Variants in FGF12 observed in about 807,000 individuals in gnomAD.
FGF12 encodes the protein fibroblast growth factor 12B.
In FGF12, 14 loss-of-function variants were observed where a neutral mutation model predicts 23.6. The observed-to-expected ratio is 0.59, with a 90% CI of 0.39 to 0.93. FGF12 has a LOEUF of 0.93. Ranked by LOEUF, FGF12 falls within the 40% of genes least tolerant of loss-of-function variation. FGF12 has a pLI of 0.00. For synonymous variants in FGF12, 62 were observed against 77.3 expected, an observed-to-expected ratio of 0.80 and a Z score of 1.04; for missense variants, 175 against 217.8, an observed-to-expected ratio of 0.80 and a Z score of 1.24.
chr3:192,586,197 TAAC>T (rs1713368229), intron 2 of FGF12, among the ~76,000 whole-genome samples: 1 of 152,118 alleles, frequency 6.6e-6, no homozygotes, highest in Non-Finnish European at 1.5e-5. Flanking sequence ...CAAGCATGGG[TAAC>T]AAGCAGGTAA....
chr3:192,423,951 G>C (rs1328320354), intron 2 of FGF12, among the ~76,000 whole-genome samples: 1 of 152,088 alleles, frequency 6.6e-6, no homozygotes, highest in African/African-American at 2.4e-5. Flanking sequence ...GGCTGCTGAG[G>C]AAGTGGTCCA....
chr3:192,647,850 G>T (rs967864676), intron 2 of FGF12, among the ~76,000 whole-genome samples: 3 of 151,446 alleles, frequency 2.0e-5, no homozygotes, highest in Non-Finnish European at 4.4e-5. Context: ...GTGAATAAAT[G>T]AATAAATAAC....
intron 2 of FGF12, among the ~76,000 whole-genome samples, chr3:192,578,475 C>T (rs1577063561): frequency 6.6e-6 from 1 of 152,274 alleles, no homozygotes; most frequent in East Asian, 1.9e-4. Flanking sequence ...ACAATAACAA[C>T]AATGCATATA....
intron 4 of FGF12, among the ~76,000 whole-genome samples, chr3:192,288,414 T>C (rs918851109): frequency 9.9e-5 from 15 of 152,136 alleles, no homozygotes; most frequent in African/African-American, 3.6e-4. Flanking sequence ...GAAGGATTCA[T>C]GAATCTTCCT....
rs549555260 is a variant in FGF12, at chr3:192,336,730, T to A, written c.125-1266A>T. ...ACATAAATTAACCCAAGGGCTACCA[T>A]TATTTAGGGATGCCTCTATTTTTCT... is the stretch of plus-strand genomic sequence containing the variant. On this transcript the variant is annotated intron_variant, in intron 3 of 5. Coordinates refer to ENST00000445105, the MANE Select transcript of FGF12 (RefSeq NM_004113.6). This position sits in a 1 kb window ranked among gnomAD's most constrained non-coding sequence, Gnocchi z 4.3. Among the ~76,000 whole-genome samples, 85 of 152,238 alleles carry A rather than the reference T, an allele frequency of 5.6e-4. No individual in the cohort carries two copies. Among genetic ancestry groups the A allele is most frequent in the African/African-American group, 2.0e-3 (84 of 41,568 alleles).
chr3:192,469,699 G>A lies in FGF12; in HGVS notation c.14-109161C>T, dbSNP rs9852526. ...CTATAAAGGAATGTGTGTAATAACCGTCCCCACAATGTTTGTAGTTGTGGA... is the reference window on the plus strand; with the variant it reads ...CTATAAAGGAATGTGTGTAATAACCATCCCCACAATGTTTGTAGTTGTGGA... On this transcript the variant is annotated intron_variant, in intron 2 of 5. Transcript: ENST00000445105. Among the ~76,000 whole-genome samples the A allele has an allele frequency of 9.7e-3, 1,482 of 152,254 alleles. 21 individuals carry two copies. Among genetic ancestry groups the A allele is most frequent in the African/African-American group, 0.033 (1,368 of 41,546 alleles).
chr3:192,568,844 G>A (rs368224803), intron 2 of FGF12, among the ~76,000 whole-genome samples: 4 of 152,084 alleles, frequency 2.6e-5, no homozygotes, highest in Admixed American at 2.0e-4. Context: ...TTGCATACAT[G>A]AGCATAGAGC....
chr3:192,504,201 G>A (rs1243726601), intron 2 of FGF12, among the ~76,000 whole-genome samples: 2 of 152,088 alleles, frequency 1.3e-5, no homozygotes, highest in African/African-American at 4.8e-5. Context: ...AGTGGAGGGT[G>A]TGGGGAGGGT....
intron 4 of FGF12, among the ~76,000 whole-genome samples, chr3:192,192,855 A>G (rs573674023): frequency 2.6e-5 from 4 of 152,344 alleles, no homozygotes; most frequent in African/African-American, 7.2e-5. Flanking sequence ...GTGTAAATAC[A>G]GCATTGAGAT....
Position 192,408,096 on chromosome 3 carries a change from C to G in FGF12, c.14-47558G>C. 5 of 1,613,260 alleles carry G rather than the reference C, an allele frequency of 3.1e-6. No homozygotes were observed. Among genetic ancestry groups the G allele is most frequent in the Non-Finnish European group, 4.2e-6 (5 of 1,180,026 alleles). Reference sequence around the variant, plus strand: ...TTTGCTGAACACCCCGAGGACGTGCCTCTCGCACAGGGAGCGCCCGTCTTT... The same window carrying G: ...TTTGCTGAACACCCCGAGGACGTGCGTCTCGCACAGGGAGCGCCCGTCTTT... On this transcript the variant is annotated intron_variant, in intron 2 of 5. Coordinates refer to ENST00000445105, the MANE Select transcript of FGF12 (RefSeq NM_004113.6). The surrounding 1 kb of genome is among the most constrained non-coding windows in gnomAD (Gnocchi z 7.3).
chr3:192,707,368 G>C (rs1718504178), intron 2 of FGF12, among the ~76,000 whole-genome samples: 3 of 152,158 alleles, frequency 2.0e-5, no homozygotes, highest in African/African-American at 4.8e-5. Flanking sequence ...TCCAGTCTTT[G>C]TCAAGAAGGA....
At chr3:192,329,213 G>A (rs1716983648) in intron 4 of FGF12, among the ~76,000 whole-genome samples, 1 of 152,158 alleles carries the variant, frequency 6.6e-6, no homozygotes, top group South Asian at 2.1e-4. Context: ...AGATATTACA[G>A]CAGAAGTAGC....
chr3:192,398,463 G>C lies in FGF12; in HGVS notation c.14-37925C>G, dbSNP rs971586030. Among the ~76,000 whole-genome samples the C allele has an allele frequency of 3.3e-5, 5 of 149,764 alleles. No individual in the cohort carries two copies. In the East Asian group the frequency reaches 7.9e-4, roughly 24 times the overall value. On this transcript the variant is annotated intron_variant, in intron 2 of 5. Transcript: ENST00000445105. ...TGCAGTGGTGTGATCTTGGCACACT[G>C]CAACCTACACCTCCCAGGTAGGTGA...
chr3:192,452,221 T>A (rs1349710557), intron 2 of FGF12, among the ~76,000 whole-genome samples: 1 of 152,180 alleles, frequency 6.6e-6, no homozygotes, highest in Non-Finnish European at 1.5e-5. Flanking sequence ...GGGTGTTTAA[T>A]TTTGTTAAAT....
chr3:192,217,846 T>C (rs1429873201), intron 4 of FGF12, among the ~76,000 whole-genome samples: 1 of 150,692 alleles, frequency 6.6e-6, no homozygotes, highest in African/African-American at 2.4e-5. Flanking sequence ...TTTCTTTTCT[T>C]TTTTTTTTAG....
intron 2 of FGF12, among the ~76,000 whole-genome samples, chr3:192,685,504 G>A (rs111672514): frequency 0.013 from 1,979 of 152,288 alleles, 50 homozygotes; most frequent in African/African-American, 0.045. Flanking sequence ...TTCTCCAAGA[G>A]CTCGCAAAGC....
At chr3:192,611,749 A>C (rs1714557984) in intron 2 of FGF12, among the ~76,000 whole-genome samples, 1 of 152,064 alleles carries the variant, frequency 6.6e-6, no homozygotes, top group East Asian at 1.9e-4. Context: ...AACAGATATA[A>C]GTGCTAGAGG....
chr3:192,582,682 A>G (rs949487535), intron 2 of FGF12, among the ~76,000 whole-genome samples: 2 of 78,700 alleles, frequency 2.5e-5, no homozygotes, highest in African/African-American at 6.6e-5. Flanking sequence ...CACAGCTAGT[A>G]AAAAAAAGAA....
chr3:192,397,176 A>T (rs1263747448), intron 2 of FGF12, among the ~76,000 whole-genome samples: 1 of 152,162 alleles, frequency 6.6e-6, no homozygotes, highest in East Asian at 1.9e-4. Context: ...GGAGGAGTAG[A>T]TAGAATGCCT....
Sources: gnomAD v4.1 joint callset for allele counts (sites outside exome capture counted in the v4.1 genomes callset) on GRCh38, gnomAD v4.1.1 for gene constraint, Gnocchi (gnomAD v3.1) non-coding constraint, MANE v1.5 for transcripts, NCBI Gene and HGNC (gene_info 2026-07-23, HGNC 2026-07-21) for gene names.